The following CNTNAP1 variants were observed in gnomAD, a reference collection of about 807,000 sequenced individuals.
CNTNAP1 encodes contactin-associated protein 1.
Under a neutral mutation model 161.5 loss-of-function variants are expected in CNTNAP1, and 80 were observed. The ratio of observed to expected loss-of-function variants is 0.50; its 90% CI spans 0.41 to 0.60. CNTNAP1 has a LOEUF of 0.60. CNTNAP1 is among the 20% of genes least tolerant of loss of function. The pLI is 0.00. For missense variants in CNTNAP1, 1,464 were observed against 1,854.8 expected (o/e 0.79, Z 3.87); for synonymous variants, 695 against 733.1 (o/e 0.95, Z 0.84).
At chr17:42,682,956 G>A (rs1450571598) in intron 1 of CNTNAP1, 60 bp downstream of exon 1, 3 of 1,475,100 alleles carry the variant, frequency 2.0e-6, no homozygotes, top group Non-Finnish European at 1.8e-6. Flanking sequence ...CCTGCAGGGC[G>A]GCCCCGAACC....
In CNTNAP1 at chr17:42,687,563, C is replaced by A; in HGVS notation, c.1045-157C>A. 1 of 984,736 alleles carries A rather than the reference C, an allele frequency of 1.0e-6. No homozygotes were observed. Among genetic ancestry groups the A allele is most frequent in the Non-Finnish European group, 1.5e-6 (1 of 663,360 alleles). The allele number at this position is 984,736 out of a possible 1,614,324, so 61.0% of individuals were successfully genotyped here. On this transcript the variant is annotated intron_variant, in intron 7 of 23. Transcript: ENST00000264638. This position sits in a 1 kb window ranked among gnomAD's most constrained non-coding sequence, Gnocchi z 4.7. ...GGGGCCCCCTCCACAGATGGACGAG[C>A]TTGGAGGGGAAGAGGTCACGTCATG...
intron 21 of CNTNAP1, 29 bp from the exon 22 acceptor site, chr17:42,697,525 C>T: frequency 1.2e-6 from 2 of 1,612,784 alleles, no homozygotes; most frequent in Non-Finnish European, 1.7e-6. Context: ...GGGTCCAAGT[C>T]CCTCTTTCTG....
At chr17:42,695,451 G>C (rs2053138874) in intron 18 of CNTNAP1, 70 bp from the exon 19 acceptor site, 1 of 1,242,534 alleles carries the variant, frequency 8.0e-7, no homozygotes, top group African/African-American at 1.5e-5. Flanking sequence ...TGTGTGTATG[G>C]ATGACATAAA....
chr17:42,692,751 C>G, intron 17 of CNTNAP1, 31 bp downstream of exon 17: 1 of 1,559,680 alleles, frequency 6.4e-7, no homozygotes, highest in Non-Finnish European at 8.7e-7. Flanking sequence ...AAGTCTGAAG[C>G]CTCCTTTACC....
intron 19 of CNTNAP1, 40 bp downstream of exon 19, chr17:42,695,914 C>A (rs1181162797): frequency 6.3e-7 from 1 of 1,597,720 alleles, no homozygotes; most frequent in East Asian, 2.2e-5. Flanking sequence ...TCCAGCTTCA[C>A]CCCGGTGCCC....
intron 11 of CNTNAP1, 64 bp downstream of exon 11, chr17:42,689,691 T>TTG: frequency 7.4e-7 from 1 of 1,346,832 alleles, no homozygotes; most frequent in Non-Finnish European, 1.1e-6. Flanking sequence ...TTGCTGGGGA[T>TTG]CATCAGGCTG....
rs1348998705 is a variant in CNTNAP1, at chr17:42,682,598, G to A, written c.-232G>A. 1 of 567,276 alleles carries A rather than the reference G, an allele frequency of 1.8e-6. No individual in the cohort carries two copies. 35.1% of individuals were successfully genotyped at this position (567,276 alleles called of 1,614,324 possible). On this transcript the variant is annotated 5_prime_UTR_variant, in exon 1 of 24. Transcript: ENST00000264638. ...AGGTGAGAGGAAAGAGGGTGGAAAGGAGAGGATAGAGAGAGAAGAGCGGAG... is the reference window on the plus strand; with the variant it reads ...AGGTGAGAGGAAAGAGGGTGGAAAGAAGAGGATAGAGAGAGAAGAGCGGAG...
rs926724591 is a variant in CNTNAP1, at chr17:42,688,947, C to T, written c.1528C>T (p.Leu510Phe). 1.2e-6 allele frequency: 2 copies of T among 1,613,952 alleles called. No individual in the cohort carries two copies. Among genetic ancestry groups the T allele is most frequent in the African/African-American group, 2.7e-5 (2 of 74,904 alleles). Residue 510 changes from leucine (L) to phenylalanine (F), a missense_variant, in exon 10 of 24, where the codon CTC becomes TTC. This residue lies in a region of CNTNAP1 where 1,383 missense variants were observed against 1,765.0 expected (regional missense o/e 0.78). Transcript: ENST00000264638. Reference sequence around the variant, plus strand: ...GGCATTCCATGGCTGCATGGAGCTGCTCAAGGTGGATGGTCAACTGGTCAA... The same window carrying T: ...GGCATTCCATGGCTGCATGGAGCTGTTCAAGGTGGATGGTCAACTGGTCAA... ...QTAFHGCMELLKVDGQLVNLT... is the reference protein window; with the variant it reads ...QTAFHGCMELFKVDGQLVNLT...
intron 9 of CNTNAP1, 29 bp downstream of exon 9, chr17:42,688,640 C>G (rs1179957055): frequency 6.2e-7 from 1 of 1,613,784 alleles, no homozygotes; most frequent in Non-Finnish European, 8.5e-7. Flanking sequence ...GACCAGACCT[C>G]TGTTTCTGGG....
chr17:42,688,803 C>A (rs899571572), intron 9 of CNTNAP1, 73 bp from the exon 10 acceptor site: 2 of 1,579,464 alleles, frequency 1.3e-6, no homozygotes, highest in African/African-American at 2.7e-5. Context: ...GTCTGGCTCC[C>A]CCTCAGCATG....
At chr17:42,690,967 G>A (rs1388332269) in intron 13 of CNTNAP1, 25 bp downstream of exon 13, 2 of 1,613,114 alleles carry the variant, frequency 1.2e-6, no homozygotes, top group Admixed American at 3.3e-5. Context: ...CAGGGAGGTG[G>A]CGGAACTGGA....
chr17:42,692,545 G>A lies in CNTNAP1; in HGVS notation c.2577G>A (p.Glu859=), dbSNP rs779448510. The A allele has an allele frequency of 3.7e-6, 6 of 1,614,102 alleles. No individual in the cohort carries two copies. The African/African-American group carries it at 4.0e-5, about 11-fold the overall frequency. ...CCTTTGATGTGGGGAATGGGGATGA[G>A]AACCTCACAGTACACTCAGACGACT... The part of the protein sequence containing the change: ...VFAFDVGNGD[E]NLTVHSDDFE... The change falls in exon 17 of 24, where the codon GAG becomes GAA. Residue 859 remains glutamate, a synonymous_variant. Transcript: ENST00000264638.
At position 42,691,251 on chromosome 17, in the gene CNTNAP1, A is replaced by G; in HGVS notation, c.2174A>G (p.Asp725Gly). ...CACGLDRSCV[D>G]PALYCNCDAD... is the part of the protein sequence containing the mutation. ...TGTGGTCTGGACCGGAGCTGTGTGG[A>G]CCCTGCCTTGTACTGCAACTGTGAC... Residue 725 changes from aspartate (D) to glycine (G), a missense_variant, in exon 14 of 24, where the codon GAC becomes GGC. Asp to Gly is a moderately conservative substitution (Grantham distance 94, BLOSUM62 -1). Around this residue, in one of 3 missense-constraint regions of CNTNAP1, gnomAD observed 1,383 missense variants for 1,765.0 expected, o/e 0.78. Transcript: ENST00000264638. The surrounding 1 kb of genome is among the most constrained non-coding windows in gnomAD (Gnocchi z 4.3). 6.2e-7 allele frequency: 1 copy of G among 1,613,998 alleles called. No individual in the cohort carries two copies. Among genetic ancestry groups the G allele is most frequent in the Non-Finnish European group, 8.5e-7 (1 of 1,179,990 alleles).
chr17:42,683,211 T>C, intron 1 of CNTNAP1: 1 of 510,528 alleles, frequency 2.0e-6, no homozygotes, highest in Non-Finnish European at 3.2e-6. Flanking sequence ...TGGTGACCGA[T>C]ACTAGGATTA....
At chr17:42,693,032 C>T (rs1386226766) in intron 17 of CNTNAP1, among the ~76,000 whole-genome samples, 1 of 151,768 alleles carries the variant, frequency 6.6e-6, no homozygotes, top group East Asian at 1.9e-4. Flanking sequence ...TCTCGGCCCA[C>T]TGCAAGCTCC....
intron 1 of CNTNAP1, chr17:42,683,424 G>C (rs2052963195): frequency 9.1e-7 from 1 of 1,094,832 alleles, no homozygotes; most frequent in Non-Finnish European, 1.1e-6. Flanking sequence ...CTGTATTTGG[G>C]GATGGTGCAG....
At position 42,691,922 on chromosome 17, in the gene CNTNAP1, G is replaced by T; in HGVS notation, c.2461G>T (p.Val821Phe). 1 of 1,614,126 alleles carries T rather than the reference G, an allele frequency of 6.2e-7. No homozygotes were observed. The highest frequency in any genetic ancestry group is 8.5e-7 in the Non-Finnish European group (1 of 1,180,024). ...FYFRTSAPSG[V>F]FLENMGGPYC... ...CTTCAGGACCTCTGCTCCCTCGGGG[G>T]TCTTCCTAGAGAATATGGGGGGCCC... Residue 821 changes from valine (V) to phenylalanine (F), a missense_variant, in exon 16 of 24, where the codon GTC becomes TTC. Physicochemically the swap from Val to Phe is conservative, Grantham distance 50 (BLOSUM62 -1). Transcript: ENST00000264638. This position sits in a 1 kb window ranked among gnomAD's most constrained non-coding sequence, Gnocchi z 4.3.
chr17:42,693,800 T>C (rs2053121629), intron 18 of CNTNAP1, among the ~76,000 whole-genome samples: 1 of 152,110 alleles, frequency 6.6e-6, no homozygotes, highest in South Asian at 2.1e-4. Flanking sequence ...GGTGGGAGGA[T>C]TGCTTGAGGC....
Position 42,687,979 on chromosome 17 carries a change from C to A in CNTNAP1, c.1304C>A (p.Ala435Asp). The A allele has an allele frequency of 6.2e-7, 1 of 1,611,384 alleles. No homozygotes were observed. Among genetic ancestry groups the A allele is most frequent in the Non-Finnish European group, 8.5e-7 (1 of 1,178,402 alleles). The change falls in exon 8 of 24, where the codon GCT (alanine) becomes GAT (aspartate). Residue 435 changes from alanine (A) to aspartate (D), a missense_variant and splice_region_variant. Physicochemically the swap from Ala to Asp is moderately radical, Grantham distance 126. This residue lies in a region of CNTNAP1 where 1,383 missense variants were observed against 1,765.0 expected (regional missense o/e 0.78). Coordinates refer to ENST00000264638, the MANE Select transcript of CNTNAP1 (RefSeq NM_003632.3). This position sits in a 1 kb window ranked among gnomAD's most constrained non-coding sequence, Gnocchi z 4.7. Reference sequence around the variant, plus strand: ...GGCCGAAAGAAGCTTCAGTTCGCTGCTGGTGAGGGCGTTTCGGGGGAGGCA... The same window carrying A: ...GGCCGAAAGAAGCTTCAGTTCGCTGATGGTGAGGGCGTTTCGGGGGAGGCA... ...QSGRKKLQFA[A>D]GYRLNDGFWH...
Sources: allele counts gnomAD v4.1 joint callset (sites outside exome capture counted in the v4.1 genomes callset), GRCh38; gene constraint gnomAD v4.1.1; regional missense constraint gnomAD v4.1.1; non-coding constraint Gnocchi (gnomAD v3.1); transcripts MANE v1.5; gene names NCBI Gene and HGNC (gene_info 2026-07-23, HGNC 2026-07-21).